OCIAD1: variants seen among roughly 807,000 people sequenced by gnomAD.
The protein encoded by OCIAD1 is OCIA domain-containing protein 1.
In OCIAD1, 29 loss-of-function variants were observed where a neutral mutation model predicts 38.9. The observed-to-expected ratio is 0.74, with a 90% CI of 0.55 to 1.02. OCIAD1 has a LOEUF of 1.02. Among genes scored for constraint, OCIAD1 ranks in the 50% least tolerant of loss-of-function variants. OCIAD1 has a pLI of 0.00. For synonymous variants in OCIAD1, 110 were observed against 92.0 expected (o/e 1.20, Z -1.12); for missense variants, 288 against 289.6 (o/e 0.99, Z 0.04).
At chr4:48,852,882 G>GTTTTTTTGTTT (rs1779635252) in intron 7 of OCIAD1, among the ~76,000 whole-genome samples, 1 of 126,338 alleles carries the variant, frequency 7.9e-6, no homozygotes. Context: ...TTTGTTTTTT[G>GTTTTTTTGTTT]TTTTTTTTTT....
chr4:48,833,259 CA>C (rs1210583134), intron 2 of OCIAD1, 141 bp from the exon 3 acceptor site: 11 of 599,162 alleles, frequency 1.8e-5, no homozygotes, highest in Non-Finnish European at 3.0e-5. Context: ...TCTCAAAAAA[CA>C]AAAAAAGTGC....
At chr4:48,831,406 C>A in intron 1 of OCIAD1, 157 bp downstream of exon 1, 2 of 974,628 alleles carry the variant, frequency 2.1e-6, no homozygotes, top group Non-Finnish European at 2.8e-6. Context: ...CCGGTGACTG[C>A]GGGAGGCGAC....
chr4:48,834,815 G>A (rs1362306826), intron 3 of OCIAD1, among the ~76,000 whole-genome samples: 1 of 152,202 alleles, frequency 6.6e-6, no homozygotes, highest in Non-Finnish European at 1.5e-5. Context: ...AAGCCATTAA[G>A]GAGGATGTAT....
At chr4:48,852,019 A>G (rs370531486) in intron 7 of OCIAD1, 44 bp downstream of exon 7, 3 of 1,477,572 alleles carry the variant, frequency 2.0e-6, no homozygotes, top group Non-Finnish European at 1.9e-6. Context: ...TTATGGTCCA[A>G]CGTATGTATA....
At chr4:48,831,576 T>C (rs1157333915) in intron 1 of OCIAD1, 1 of 1,288,714 alleles carries the variant, frequency 7.8e-7, no homozygotes. Flanking sequence ...CCAGCGTTGT[T>C]TTGTGTAAAG....
Position 48,860,816 on chromosome 4 carries a change from G to T in OCIAD1, c.*54G>T. 5.5e-6 allele frequency: 7 copies of T among 1,265,156 alleles called. No individual in the cohort carries two copies. Among genetic ancestry groups the T allele is most frequent in the Non-Finnish European group, 8.1e-6 (7 of 865,596 alleles). 78.4% of individuals were successfully genotyped at this position (1,265,156 alleles called of 1,614,324 possible). A position where few individuals can be genotyped will look rare whatever the true frequency, so the allele number is the denominator to read the frequency against. ...TTCAACATCCAGCTTCATCTAGGTG[G>T]TCATGATTACCTGCATGCTTTGAGC... On this transcript the variant is annotated 3_prime_UTR_variant, in exon 9 of 9. Transcript: ENST00000264312.
chr4:48,814,406 A>G (rs1170222744), intron 1 of OCIAD1, among the ~76,000 whole-genome samples: 2 of 151,100 alleles, frequency 1.3e-5, no homozygotes, highest in African/African-American at 4.9e-5. Flanking sequence ...CTAACTTTTG[A>G]CTGAGAGCTG....
intron 1 of OCIAD1, among the ~76,000 whole-genome samples, chr4:48,823,968 T>C (rs1422059678): frequency 6.6e-6 from 1 of 150,580 alleles, no homozygotes; most frequent in African/African-American, 2.4e-5. Flanking sequence ...CACCTGGCTT[T>C]CTTTGAATTC....
Position 48,848,446 on chromosome 4 carries a change from C to A in OCIAD1, c.241C>A (p.Leu81Ile). Reference protein sequence around the residue: ...PKYGSIPKLILACIMGYFAGK... With the variant: ...PKYGSIPKLIIACIMGYFAGK... ...ATATGGTTCCATCCCTAAACTTATA[C>A]GTAAGTATGAACAACATTGTAGTTT... Residue 81 changes from leucine (L) to isoleucine (I), a missense_variant and splice_region_variant, in exon 5 of 9, where the codon CTT (leucine) becomes ATT (isoleucine). Transcript: ENST00000264312. The A allele has an allele frequency of 1.4e-6, 2 of 1,432,580 alleles. No homozygotes were observed. Among genetic ancestry groups the A allele is most frequent in the Admixed American group, 1.8e-5 (1 of 55,678 alleles). 88.7% of individuals were successfully genotyped at this position (1,432,580 alleles called of 1,614,324 possible).
chr4:48,833,030 C>T (rs1777657521), intron 2 of OCIAD1, among the ~76,000 whole-genome samples: 2 of 152,206 alleles, frequency 1.3e-5, no homozygotes, highest in Admixed American at 6.5e-5. Context: ...ATGGGTGGAA[C>T]ACCTGAGGTC....
At chr4:48,813,898 A>G (rs1302363809) in intron 1 of OCIAD1, among the ~76,000 whole-genome samples, 5 of 152,228 alleles carry the variant, frequency 3.3e-5, no homozygotes, top group African/African-American at 1.2e-4. Flanking sequence ...GAGTTGTAAA[A>G]ATATATGTTT....
chr4:48,849,154 G>A (rs1386484986), intron 5 of OCIAD1, among the ~76,000 whole-genome samples: 5 of 152,110 alleles, frequency 3.3e-5, no homozygotes, highest in African/African-American at 7.2e-5. Context: ...GTGGGGTGAC[G>A]GGAGTGGGGA....
At chr4:48,826,109 A>G (rs549425225), upstream of OCIAD1, among the ~76,000 whole-genome samples, 1 of 152,048 alleles carries the variant, frequency 6.6e-6, no homozygotes, top group East Asian at 1.9e-4. Context: ...AAGTGCTGGG[A>G]TTACAGGCAT....
intron 1 of OCIAD1, among the ~76,000 whole-genome samples, chr4:48,815,743 C>T (rs760256565): frequency 2.0e-5 from 3 of 152,184 alleles, no homozygotes; most frequent in South Asian, 2.1e-4. Context: ...ACCCCAGGGT[C>T]GCAAATGACT....
At chr4:48,833,746 A>G (rs189294917) in intron 3 of OCIAD1, among the ~76,000 whole-genome samples, 71 of 152,356 alleles carry the variant, frequency 4.7e-4, no homozygotes, top group Admixed American at 2.5e-3. Context: ...CATAGATTAT[A>G]TAAAAACAAC....
chr4:48,818,852 A>G (rs1256945617), intron 1 of OCIAD1, among the ~76,000 whole-genome samples: 3 of 152,232 alleles, frequency 2.0e-5, no homozygotes, highest in Non-Finnish European at 4.4e-5. Flanking sequence ...TAACGGAATA[A>G]GGGATGAAGA....
rs1778796297 is a variant in OCIAD1, at chr4:48,844,365, A to G, written c.193+1676A>G. 2.0e-5 allele frequency among the ~76,000 whole-genome samples: 3 copies of G among 152,052 alleles called. No homozygotes were observed. The South Asian group carries it at 6.2e-4, about 32-fold the overall frequency. On this transcript the variant is annotated intron_variant, in intron 4 of 8. Transcript: ENST00000264312. ...TTGGGCTACTTGAGGGTACGGTAGA[A>G]GTGATATTGGGAGGCCGAGTCGGGT...
At chr4:48,814,834 C>T (rs1777129149) in intron 1 of OCIAD1, among the ~76,000 whole-genome samples, 2 of 152,128 alleles carry the variant, frequency 1.3e-5, no homozygotes, top group African/African-American at 4.8e-5. Flanking sequence ...TTTAGTATCT[C>T]AGAGGTATTA....
In OCIAD1 at chr4:48,818,355, C is replaced by T. The variant is rs190895203; in HGVS notation, c.-102-12222C>T. Reference sequence around the variant, plus strand: ...TCTTGACTGCTAGAAGAAAAACTAACGAACAGAAAGCCACAACATCAACAT... The same window carrying T: ...TCTTGACTGCTAGAAGAAAAACTAATGAACAGAAAGCCACAACATCAACAT... On this transcript the variant is annotated intron_variant, in intron 1 of 6. Coordinates refer to the OCIAD1 transcript ENST00000504654. Among the ~76,000 whole-genome samples the T allele has an allele frequency of 9.4e-4, 143 of 152,304 alleles. 1 individual carries two copies. Among genetic ancestry groups the T allele is most frequent in the African/African-American group, 3.0e-3 (124 of 41,572 alleles).
Sources: gnomAD v4.1 joint callset for allele counts (sites outside exome capture counted in the v4.1 genomes callset) on GRCh38, gnomAD v4.1.1 for gene constraint, MANE v1.5 for transcripts, NCBI Gene and HGNC (gene_info 2026-07-23, HGNC 2026-07-21) for gene names.